ZNF763: variants seen among roughly 807,000 people sequenced by gnomAD.
ZNF763 encodes the protein zinc finger protein 763.
A neutral mutation model predicts 38.0 loss-of-function variants in ZNF763; 33 were observed. The observed-to-expected ratio is 0.87, with a 90% CI of 0.66 to 1.16. ZNF763 has a LOEUF of 1.16. Among genes scored for constraint, ZNF763 ranks in the 50% most tolerant of loss-of-function variants. The probability of loss-of-function intolerance (pLI) is 0.00; values close to 1 mark genes in which losing one functional copy is unlikely to be tolerated. For missense variants in ZNF763, 423 were observed against 469.1 expected (o/e 0.90, Z 0.91); for synonymous variants, 155 against 160.1 (o/e 0.97, Z 0.24).
At chr19:11,968,127 G>A (rs1196390443) in intron 1 of ZNF763, among the ~76,000 whole-genome samples, 1 of 152,146 alleles carries the variant, frequency 6.6e-6, no homozygotes, top group East Asian at 1.9e-4. Flanking sequence ...GTCTCAAGAT[G>A]GAGCTGATTG....
chr19:11,965,902 A>C (rs1182908455), intron 1 of ZNF763, among the ~76,000 whole-genome samples: 4 of 152,126 alleles, frequency 2.6e-5, no homozygotes, highest in Non-Finnish European at 2.9e-5. Flanking sequence ...CATTGGCAGA[A>C]AGGGCGGGAC....
intron 1 of ZNF763, among the ~76,000 whole-genome samples, chr19:11,970,029 C>A (rs1397662880): frequency 6.6e-6 from 1 of 152,196 alleles, no homozygotes; most frequent in Non-Finnish European, 1.5e-5. Flanking sequence ...GGAGTGGGAC[C>A]TCCCGAGGGA....
At position 11,972,664 on chromosome 19, in the gene ZNF763, G is replaced by A. The variant is rs117291944; in HGVS notation, c.4-4374G>A. On this transcript the variant is annotated intron_variant, in intron 1 of 3. Transcript: ENST00000358987. ...TTAACTCAGTTATGAACCTTACATG[G>A]AATGATAGTTAATTCACTTTCTTAT... 5.3e-5 allele frequency among the ~76,000 whole-genome samples: 8 copies of A among 152,252 alleles called. No individual in the cohort carries two copies. The East Asian group carries it at 1.5e-3, about 29-fold the overall frequency.
In ZNF763 at chr19:11,965,129, A is replaced by G; in HGVS notation, c.-80A>G. ...ACCTGGTACCTCTACCCAGGTTTCT[A>G]TCGCTCTGTCTCCTGCGCTGTGCCC... On this transcript the variant is annotated 5_prime_UTR_variant, in exon 1 of 4. Transcript: ENST00000358987. The G allele has an allele frequency of 6.2e-7, 1 of 1,601,542 alleles. No individual in the cohort carries two copies. The highest frequency in any genetic ancestry group is 8.6e-7 in the Non-Finnish European group (1 of 1,169,252).
rs1013248234 is a variant in ZNF763, at chr19:11,979,819, C to A, written c.*710C>A. 3.6e-5 allele frequency: 57 copies of A among 1,570,140 alleles called. No homozygotes were observed. The African/African-American group carries it at 7.2e-4, about 20-fold the overall frequency. On this transcript the variant is annotated 3_prime_UTR_variant, in exon 4 of 4. Transcript: ENST00000358987. ...ATGAGTGTAAGGAATGTGGGAAAGC[C>A]TTCAGATCTGCCAAGAACCTTCGAA...
chr19:11,970,910 A>G (rs1973337143), intron 1 of ZNF763, among the ~76,000 whole-genome samples: 1 of 152,210 alleles, frequency 6.6e-6, no homozygotes, highest in African/African-American at 2.4e-5. Context: ...CAGCCTGGGC[A>G]AGGAGAGTGA....
At position 11,979,040 on chromosome 19, in the gene ZNF763, G is replaced by A; in HGVS notation, c.1116G>A (p.Gln372=). The change falls in exon 4 of 4, where the codon CAG becomes CAA. Residue 372 remains glutamine (Q), a synonymous_variant. Coordinates refer to ENST00000358987, the MANE Select transcript of ZNF763 (RefSeq NM_001367172.2). ...CGAAAAAACCTTATGAATGTAAGCA[G>A]TGTGGGAAAGCATTATCTTATAAGT... ...HSAKKPYECK[Q]CGKALSYKFS... 3.1e-6 allele frequency: 5 copies of A among 1,614,126 alleles called. No homozygotes were observed. Among genetic ancestry groups the A allele is most frequent in the Non-Finnish European group, 4.2e-6 (5 of 1,180,018 alleles).
At chr19:11,972,304 G>A (rs543561502) in intron 1 of ZNF763, among the ~76,000 whole-genome samples, 16 of 151,840 alleles carry the variant, frequency 1.1e-4, no homozygotes, top group African/African-American at 3.4e-4. Context: ...AAAAAAAAGG[G>A]AAGAAAAGAA....
At chr19:11,968,378 G>C (rs1444088247) in intron 1 of ZNF763, among the ~76,000 whole-genome samples, 2 of 152,088 alleles carry the variant, frequency 1.3e-5, no homozygotes, top group Non-Finnish European at 2.9e-5. Flanking sequence ...CAGTAGCTGA[G>C]AGTACAGTTG....
chr19:11,967,815 G>A (rs1334958890), intron 1 of ZNF763, among the ~76,000 whole-genome samples: 3 of 152,250 alleles, frequency 2.0e-5, no homozygotes, highest in Non-Finnish European at 4.4e-5. Context: ...TTTTTGTTAT[G>A]TAGGGGTCTT....
Position 11,973,999 on chromosome 19 carries a change from G to A in ZNF763, c.4-3039G>A, listed in dbSNP as rs530348524. On this transcript the variant is annotated intron_variant, in intron 1 of 3. Coordinates refer to ENST00000358987, the MANE Select transcript of ZNF763 (RefSeq NM_001367172.2). ...AGCATTTGGAAGTGTCAGTGTTTGG[G>A]ATTTAGGCTACCCCACCAGGTGTTT... Among the ~76,000 whole-genome samples, 10 of 152,060 alleles carry A rather than the reference G, an allele frequency of 6.6e-5. No individual in the cohort carries two copies. The South Asian group carries it at 2.1e-3, about 32-fold the overall frequency.
At chr19:11,969,100 GT>G (rs1973298070) in intron 1 of ZNF763, among the ~76,000 whole-genome samples, 1 of 152,234 alleles carries the variant, frequency 6.6e-6, no homozygotes, top group African/African-American at 2.4e-5. Context: ...TTACTTGGTT[GT>G]TTTTGCTTGT....
At chr19:11,965,665 G>A (rs1331683000) in intron 1 of ZNF763, among the ~76,000 whole-genome samples, 4 of 152,212 alleles carry the variant, frequency 2.6e-5, no homozygotes, top group African/African-American at 7.2e-5. Flanking sequence ...ATTCAGTAAT[G>A]AGAACCACCC....
At position 11,979,688 on chromosome 19, in the gene ZNF763, A is replaced by T; in HGVS notation, c.*579A>T. ...CTCAATCCTTCAAATGCATGCTGGG[A>T]CTCACCCTGAAGAGAAGCCCTACGA... is the stretch of plus-strand genomic sequence containing the variant. On this transcript the variant is annotated 3_prime_UTR_variant, in exon 4 of 4. Transcript: ENST00000358987. 6.2e-7 allele frequency: 1 copy of T among 1,601,626 alleles called. No individual in the cohort carries two copies. Among genetic ancestry groups the T allele is most frequent in the Non-Finnish European group, 8.5e-7 (1 of 1,171,560 alleles).
rs1973591359 is a variant in ZNF763, at chr19:11,980,258, G to A, written c.*1149G>A. ...TGGCCAGGCGTGGTGGCCTGCTTCT[G>A]TAATCCTAGCTAGTTGGGAGGCTGG... On this transcript the variant is annotated 3_prime_UTR_variant, in exon 4 of 4. Transcript: ENST00000358987. 1 of 331,260 alleles carries A rather than the reference G, an allele frequency of 3.0e-6. No individual in the cohort carries two copies. The highest frequency in any genetic ancestry group is 8.4e-5 in the East Asian group (1 of 11,858). The allele number at this position is 331,260 out of a possible 1,614,324, so 20.5% of individuals were successfully genotyped here. A position where few individuals can be genotyped will look rare whatever the true frequency, so the allele number is the denominator to read the frequency against.
rs776323321 is a variant in ZNF763 at position 11,978,745 on chromosome 19, A to G, written c.821A>G (p.His274Arg). The change falls in exon 4 of 4, where the codon CAT becomes CGT. Residue 274 changes from histidine to arginine, a missense_variant. Transcript: ENST00000358987. ...CATAGTTCCAGTTCTTTTCAAGCAC[A>G]TAAAAGAACCCACACTGGGGGAAAG... ...AFHSSSSFQA[H>R]KRTHTGGKPY... 2.1e-5 allele frequency: 34 copies of G among 1,614,056 alleles called. No individual in the cohort carries two copies. The highest frequency in any genetic ancestry group is 2.9e-5 in the Non-Finnish European group (34 of 1,180,002).
chr19:11,973,782 G>C (rs1973399223), intron 1 of ZNF763, among the ~76,000 whole-genome samples: 1 of 151,738 alleles, frequency 6.6e-6, no homozygotes, highest in Non-Finnish European at 1.5e-5. Context: ...TATGAGTAAG[G>C]CTGCTAAAAA....
At chr19:11,969,828 C>T (rs1276939622) in intron 1 of ZNF763, among the ~76,000 whole-genome samples, 1 of 152,186 alleles carries the variant, frequency 6.6e-6, no homozygotes, top group African/African-American at 2.4e-5. Context: ...TTTTATCTTT[C>T]CTAGACACAG....
chr19:11,977,146 A>G lies in ZNF763; in HGVS notation c.112A>G (p.Arg38Gly), dbSNP rs572453279. ...CAGGGAAGTGATGCTGGAAACTTTC[A>G]GGAACCTGACCTCTATAGGTAAGGA... ...LYREVMLETF[R>G]NLTSIGKKWK... Residue 38 changes from arginine (R) to glycine (G), a missense_variant, in exon 2 of 4, where the codon AGG becomes GGG. By Grantham distance (125) the Arg-to-Gly change is moderately radical. Transcript: ENST00000358987. The G allele has an allele frequency of 5.0e-6, 8 of 1,614,152 alleles. No homozygotes were observed. In the South Asian group the frequency reaches 6.6e-5, roughly 13 times the overall value.
Sources: gnomAD v4.1 joint callset for allele counts (sites outside exome capture counted in the v4.1 genomes callset) on GRCh38, gnomAD v4.1.1 for gene constraint, MANE v1.5 for transcripts, NCBI Gene and HGNC (gene_info 2026-07-23, HGNC 2026-07-21) for gene names.